Variants in CMYA5 observed in about 807,000 individuals in gnomAD.
CMYA5 encodes the protein cardiomyopathy-associated protein 5.
In CMYA5, 246 loss-of-function variants were observed where a neutral mutation model predicts 318.9. The observed-to-expected ratio is 0.77, with a 90% CI of 0.70 to 0.86. The LOEUF (loss-of-function observed/expected upper bound fraction) is 0.86. Ranked by LOEUF, CMYA5 falls within the 40% of genes least tolerant of loss-of-function variation. The probability of loss-of-function intolerance (pLI) is 0.00; values close to 1 mark genes in which losing one functional copy is unlikely to be tolerated. For synonymous variants in CMYA5, 1,641 were observed against 1,729.5 expected (o/e 0.95, Z 1.27); for missense variants, 4,589 against 4,678.2 (o/e 0.98, Z 0.56).
chr5:79,754,005 G>T (rs1213523569), intron 6 of CMYA5, among the ~76,000 whole-genome samples: 1 of 152,194 alleles, frequency 6.6e-6, no homozygotes, highest in Non-Finnish European at 1.5e-5. Flanking sequence ...GGCAATGAGA[G>T]GACGTTTAAT....
chr5:79,728,904 A>T lies in CMYA5; in HGVS notation c.150-11A>T, dbSNP rs1409922860. 1 of 1,306,234 alleles carries T rather than the reference A, an allele frequency of 7.7e-7. No homozygotes were observed. Among genetic ancestry groups the T allele is most frequent in the Non-Finnish European group, 1.0e-6 (1 of 988,096 alleles). The allele number at this position is 1,306,234 out of a possible 1,614,324, so 80.9% of individuals were successfully genotyped here. On this transcript the variant is annotated splice_polypyrimidine_tract_variant and intron_variant, in intron 1 of 12. Coordinates refer to ENST00000446378, the MANE Select transcript of CMYA5 (RefSeq NM_153610.5). The stretch of plus-strand genomic sequence containing the variant: ...ATGATAATATATAATTAATATTGTT[A>T]TTTGCTATAGGTTATCAGACCAGGA...
intron 11 of CMYA5, 44 bp from the exon 12 acceptor site, chr5:79,793,393 G>A (rs754008979): frequency 2.0e-5 from 31 of 1,559,058 alleles, no homozygotes; most frequent in South Asian, 8.1e-5. Flanking sequence ...GATACAGGCC[G>A]GCGATTCCTG....
In CMYA5 at chr5:79,789,018, C is replaced by A. The variant is rs754559667; in HGVS notation, c.11603C>A (p.Pro3868His). The A allele has an allele frequency of 4.6e-5, 75 of 1,613,738 alleles. No homozygotes were observed. In the East Asian group the frequency reaches 1.2e-3, roughly 26 times the overall value. Reference protein sequence around the residue: ...KGLQLKVNLQPNDNYFFYVRA... With the variant: ...KGLQLKVNLQHNDNYFFYVRA... ...CTCCAGCTGAAAGTTAACCTCCAAC[C>A]CAATGATAACTACTTTTTCTATGTG... is the stretch of plus-strand genomic sequence containing the variant. Residue 3868 changes from proline (P) to histidine (H), a missense_variant, in exon 10 of 13, where the codon CCC becomes CAC. Physicochemically the swap from Pro to His is moderately conservative, Grantham distance 77 (BLOSUM62 -2). Around this residue, in one of 3 missense-constraint regions of CMYA5, gnomAD observed 2,431 missense variants for 2,495.1 expected, o/e 0.97. Coordinates refer to ENST00000446378, the MANE Select transcript of CMYA5 (RefSeq NM_153610.5).
chr5:79,711,598 A>G (rs529437154), intron 1 of CMYA5, among the ~76,000 whole-genome samples: 4 of 152,366 alleles, frequency 2.6e-5, no homozygotes, highest in African/African-American at 7.2e-5. Flanking sequence ...AAAGATTCCC[A>G]TATACCCTTA....
chr5:79,737,857 T>C lies in CMYA5; in HGVS notation c.9092T>C (p.Ile3031Thr), dbSNP rs753279605. 1 of 1,599,302 alleles carries C rather than the reference T, an allele frequency of 6.3e-7. No individual in the cohort carries two copies. The highest frequency in any genetic ancestry group is 8.5e-7 in the Non-Finnish European group (1 of 1,176,322). Residue 3031 changes from isoleucine to threonine, a missense_variant, in exon 2 of 13, where the codon ATA becomes ACA. Around this residue, in one of 3 missense-constraint regions of CMYA5, gnomAD observed 2,431 missense variants for 2,495.1 expected, o/e 0.97. Transcript: ENST00000446378. ...GAAACTCATAAGACAAAAGAAGAGA[T>C]ATCCACAGATTCAGAAACTGATTTA... The part of the protein sequence containing the change: ...QKETHKTKEE[I>T]STDSETDLSF...
intron 1 of CMYA5, among the ~76,000 whole-genome samples, chr5:79,693,503 G>C (rs1270733470): frequency 2.0e-5 from 3 of 151,902 alleles, no homozygotes; most frequent in Non-Finnish European, 4.4e-5. Flanking sequence ...ACCAGGCCTG[G>C]CTACTTTTTT....
intron 9 of CMYA5, among the ~76,000 whole-genome samples, chr5:79,764,189 C>T (rs185450289): frequency 7.1e-4 from 107 of 151,132 alleles, no homozygotes; most frequent in African/African-American, 2.5e-3. Flanking sequence ...GTGTGATGGT[C>T]CCCTCCCTGT....
chr5:79,749,972 A>G (rs1828400064), intron 5 of CMYA5, among the ~76,000 whole-genome samples: 1 of 151,488 alleles, frequency 6.6e-6, no homozygotes, highest in African/African-American at 2.4e-5. Flanking sequence ...AGTAAATTGT[A>G]TATTGCAGTA....
At chr5:79,761,664 A>G in intron 7 of CMYA5, 147 bp from the exon 8 acceptor site, 1 of 734,488 alleles carries the variant, frequency 1.4e-6, no homozygotes, top group South Asian at 2.3e-5. Context: ...CATGTATTCT[A>G]AGGAGCTGGT....
chr5:79,778,906 T>A (rs1222310909), intron 9 of CMYA5, among the ~76,000 whole-genome samples: 7 of 133,478 alleles, frequency 5.2e-5, no homozygotes, highest in Non-Finnish European at 9.2e-5. Context: ...TTTTATTTTT[T>A]TTTTTAATTT....
chr5:79,738,940 A>G lies in CMYA5; in HGVS notation c.10175A>G (p.Gln3392Arg). 2 of 1,613,940 alleles carry G rather than the reference A, an allele frequency of 1.2e-6. No homozygotes were observed. The highest frequency in any genetic ancestry group is 1.3e-5 in the African/African-American group (1 of 75,034). The stretch of plus-strand genomic sequence containing the variant: ...TTTGCATCTGGTGCAACTCATGTTC[A>G]AGAAACATCACTAGAAGAACCTAAA... Reference protein sequence around the residue: ...EEFASGATHVQETSLEEPKIL... With the variant: ...EEFASGATHVRETSLEEPKIL... Residue 3392 changes from glutamine to arginine, a missense_variant, in exon 2 of 13, where the codon CAA becomes CGA. Physicochemically the swap from Gln to Arg is conservative, Grantham distance 43. Transcript: ENST00000446378.
At chr5:79,758,463 C>G (rs1364076187) in intron 6 of CMYA5, among the ~76,000 whole-genome samples, 2 of 151,700 alleles carry the variant, frequency 1.3e-5, no homozygotes, top group Non-Finnish European at 2.9e-5. Context: ...ATCTGGGAGG[C>G]AAAGGTTGCA....
intron 2 of CMYA5, among the ~76,000 whole-genome samples, chr5:79,740,009 TAAA>T (rs1490483289): frequency 6.6e-6 from 1 of 151,616 alleles, no homozygotes; most frequent in Non-Finnish European, 1.5e-5. Context: ...AAAAAATAAA[TAAA>T]AATAACAGCA....
At chr5:79,706,788 C>G (rs1054623480) in intron 1 of CMYA5, among the ~76,000 whole-genome samples, 1 of 152,170 alleles carries the variant, frequency 6.6e-6, no homozygotes, top group African/African-American at 2.4e-5. Flanking sequence ...TGTCTTTACA[C>G]AGTCCTGCAT....
chr5:79,695,845 A>G (rs1054946694), intron 1 of CMYA5, among the ~76,000 whole-genome samples: 4 of 152,274 alleles, frequency 2.6e-5, no homozygotes, highest in African/African-American at 9.6e-5. Flanking sequence ...GCAGTTGGGC[A>G]GAAAGATATT....
At chr5:79,787,450 A>G (rs1829101145) in intron 9 of CMYA5, among the ~76,000 whole-genome samples, 1 of 152,192 alleles carries the variant, frequency 6.6e-6, no homozygotes, top group African/African-American at 2.4e-5. Flanking sequence ...CCCCAGAATA[A>G]TATTCTAGAT....
rs1460323430 is a variant in CMYA5, at chr5:79,731,684, T to G, written c.2919T>G (p.Asp973Glu). Reference protein sequence around the residue: ...QEAEKREFECDSPICLTSPSE... With the variant: ...QEAEKREFECESPICLTSPSE... The stretch of plus-strand genomic sequence containing the variant: ...CAGAGAAAAGAGAATTTGAGTGCGA[T>G]TCTCCAATATGTTTAACATCACCAT... Residue 973 changes from aspartate (D) to glutamate (E), a missense_variant, in exon 2 of 13, where the codon GAT becomes GAG. Coordinates refer to ENST00000446378, the MANE Select transcript of CMYA5 (RefSeq NM_153610.5). 3 of 1,613,844 alleles carry G rather than the reference T, an allele frequency of 1.9e-6. No individual in the cohort carries two copies. Among genetic ancestry groups the G allele is most frequent in the Non-Finnish European group, 2.5e-6 (3 of 1,179,880 alleles).
chr5:79,704,678 TGA>T (rs139200951), intron 1 of CMYA5, among the ~76,000 whole-genome samples: 1 of 150,280 alleles, frequency 6.7e-6, no homozygotes, highest in Admixed American at 6.6e-5. Flanking sequence ...ATAGCTATGT[TGA>T]GAGAGAGAGA....
chr5:79,796,037 G>A (rs1429735573), intron 12 of CMYA5, among the ~76,000 whole-genome samples: 1 of 152,164 alleles, frequency 6.6e-6, no homozygotes, highest in Non-Finnish European at 1.5e-5. Flanking sequence ...CAGGTTCTGT[G>A]TCCTGCAGAA....
Sources: allele counts gnomAD v4.1 joint callset (sites outside exome capture counted in the v4.1 genomes callset), GRCh38; gene constraint gnomAD v4.1.1; regional missense constraint gnomAD v4.1.1; transcripts MANE v1.5; gene names NCBI Gene and HGNC (gene_info 2026-07-23, HGNC 2026-07-21).